The following C2orf49 variants were observed in gnomAD, a reference collection of about 807,000 sequenced individuals.
The protein encoded by C2orf49 is tRNA-splicing ligase complex subunit ASW.
C2orf49 carries 11 observed loss-of-function variants against 20.6 expected under a neutral mutation model. The observed-to-expected ratio is 0.53, with a 90% CI of 0.34 to 0.88. The LOEUF is 0.88. Among genes scored for constraint, C2orf49 ranks in the 40% least tolerant of loss-of-function variants. The pLI is 0.02. For synonymous variants in C2orf49, 134 were observed against 108.5 expected, an observed-to-expected ratio of 1.24 and a Z score of -1.46; for missense variants, 289 against 274.2, an observed-to-expected ratio of 1.05 and a Z score of -0.38.
the C2orf49 span, chr2:105,359,103 G>A: frequency 2.0e-5 from 3 of 152,310 alleles, no homozygotes; most frequent in South Asian, 6.2e-4. Context: ...GTGCTCCAGT[G>A]TTCTTAACAA....
the C2orf49 span, among the ~76,000 whole-genome samples, chr2:105,364,873 A>G: frequency 2.6e-5 from 4 of 152,226 alleles, no homozygotes; most frequent in East Asian, 3.8e-4. Context: ...CGAAGCAGGA[A>G]CTAGAATTCT....
the C2orf49 span, among the ~76,000 whole-genome samples, chr2:105,356,106 T>A: frequency 6.6e-6 from 1 of 151,914 alleles, no homozygotes; most frequent in African/African-American, 2.4e-5. Flanking sequence ...AAAATAGACA[T>A]CAGCCAGGTG....
downstream of C2orf49, among the ~76,000 whole-genome samples, chr2:105,351,642 A>C (rs1335865481): frequency 6.6e-6 from 1 of 151,990 alleles, no homozygotes; most frequent in Non-Finnish European, 1.5e-5. Flanking sequence ...GACTTATCCC[A>C]TGATTGTGTT....
chr2:105,348,118 A>C lies in C2orf49; in HGVS notation c.*2747A>C, dbSNP rs939988312. 6.6e-6 allele frequency: 1 copy of C among 151,978 alleles called. No individual in the cohort carries two copies. Among genetic ancestry groups the C allele is most frequent in the African/African-American group, 2.4e-5 (1 of 41,328 alleles). The allele number at this position is 151,978 out of a possible 1,614,324, so 9.4% of individuals were successfully genotyped here. A position where few individuals can be genotyped will look rare whatever the true frequency, so the allele number is the denominator to read the frequency against. ...CCCAAGCTTCTAGCTTAGGTTTGCA[A>C]GTCATATTGCTTGGCCCTCCACATT... On this transcript the variant is annotated 3_prime_UTR_variant, in exon 4 of 4. Coordinates refer to ENST00000258457, the MANE Select transcript of C2orf49 (RefSeq NM_024093.3).
chr2:105,371,291 C>T, the C2orf49 span, among the ~76,000 whole-genome samples: 3 of 152,126 alleles, frequency 2.0e-5, no homozygotes, highest in Non-Finnish European at 2.9e-5. Context: ...ACGTTACCCA[C>T]GTATCAGGGC....
chr2:105,364,178 C>G, the C2orf49 span, among the ~76,000 whole-genome samples: 1 of 152,152 alleles, frequency 6.6e-6, no homozygotes, highest in Non-Finnish European at 1.5e-5. Flanking sequence ...ATCGCTTGAA[C>G]CCTGGAAACA....
At chr2:105,368,657 C>T in the C2orf49 span, among the ~76,000 whole-genome samples, 1 of 152,194 alleles carries the variant, frequency 6.6e-6, no homozygotes, top group African/African-American at 2.4e-5. Flanking sequence ...CCCCTGCCAC[C>T]ACCAAGCTGG....
chr2:105,344,889 C>T (rs536406489), intron 3 of C2orf49, among the ~76,000 whole-genome samples: 5 of 152,104 alleles, frequency 3.3e-5, no homozygotes, highest in East Asian at 1.9e-4. Context: ...TTTGCATTGA[C>T]TTTGGATTGT....
chr2:105,381,253 T>G, the C2orf49 span, among the ~76,000 whole-genome samples: 10 of 152,174 alleles, frequency 6.6e-5, no homozygotes, highest in Non-Finnish European at 1.3e-4. Context: ...TTTCCAACTG[T>G]ACATTCTTTC....
the C2orf49 span, chr2:105,363,388 C>G: frequency 1.2e-6 from 2 of 1,613,922 alleles, no homozygotes; most frequent in South Asian, 1.1e-5. Flanking sequence ...GCTGCCCAGA[C>G]AGCTGCTTCC....
chr2:105,360,598 C>T, the C2orf49 span: 1 of 152,484 alleles, frequency 6.6e-6, no homozygotes, highest in Non-Finnish European at 1.5e-5. Flanking sequence ...CCTCATGATC[C>T]ACCCGCCTTG....
At chr2:105,362,619 A>G in the C2orf49 span, among the ~76,000 whole-genome samples, 1 of 152,222 alleles carries the variant, frequency 6.6e-6, no homozygotes, top group Admixed American at 6.5e-5. Context: ...TACAGAACAC[A>G]CACTTTTCTC....
downstream of C2orf49, among the ~76,000 whole-genome samples, chr2:105,351,241 G>T (rs1679924675): frequency 6.7e-6 from 1 of 148,756 alleles, no homozygotes; most frequent in Non-Finnish European, 1.5e-5. Context: ...TCATTTGGCC[G>T]ACGTAGTGTT....
chr2:105,342,120 C>T (rs1558666540), intron 2 of C2orf49, among the ~76,000 whole-genome samples: 2 of 152,274 alleles, frequency 1.3e-5, no homozygotes, highest in South Asian at 2.1e-4. Context: ...TGCAGTGAGC[C>T]GAGATCGCGC....
At chr2:105,382,395 A>G in the C2orf49 span, among the ~76,000 whole-genome samples, 109,795 of 152,118 alleles carry the variant, frequency 0.72, 39,987 homozygotes, top group Admixed American at 0.8. Context: ...AGGTGGCATC[A>G]CATGCTAGGT....
the C2orf49 span, among the ~76,000 whole-genome samples, chr2:105,370,209 C>A: frequency 1.3e-5 from 2 of 150,960 alleles, no homozygotes; most frequent in Non-Finnish European, 3.0e-5. Context: ...CCTGTCTCTA[C>A]CCCCCCAAAA....
the C2orf49 span, among the ~76,000 whole-genome samples, chr2:105,370,683 C>A: frequency 6.6e-6 from 1 of 152,188 alleles, no homozygotes; most frequent in Non-Finnish European, 1.5e-5. Context: ...TGAATGGGTT[C>A]TAACACTTTT....
intron 1 of C2orf49, 103 bp from the exon 2 acceptor site, chr2:105,339,480 A>G (rs1679605554): frequency 1.8e-6 from 2 of 1,138,196 alleles, no homozygotes; most frequent in Non-Finnish European, 2.5e-6. Context: ...GGCTTTTTAT[A>G]ATTTGTTATT....
chr2:105,359,262 A>G, the C2orf49 span: 1 of 152,224 alleles, frequency 6.6e-6, no homozygotes, highest in Non-Finnish European at 1.5e-5. Flanking sequence ...AATGAGGAAC[A>G]AGTAAGATGT....
Sources: allele counts gnomAD v4.1 joint callset (sites outside exome capture counted in the v4.1 genomes callset), GRCh38; gene constraint gnomAD v4.1.1; transcripts MANE v1.5; gene names NCBI Gene and HGNC (gene_info 2026-07-23, HGNC 2026-07-21).